The following UNC13C variants were observed in gnomAD, a reference collection of about 807,000 sequenced individuals.
UNC13C encodes unc-13 homolog C, also known as protein unc-13 homolog C.
Under a neutral mutation model 245.4 loss-of-function variants are expected in UNC13C, and 174 were observed. The observed-to-expected ratio is 0.71, with a 90% CI of 0.63 to 0.80. The LOEUF (loss-of-function observed/expected upper bound fraction) is 0.80, where lower values mean the gene tolerates loss of function less well. Ranked by LOEUF, UNC13C falls within the 30% of genes least tolerant of loss-of-function variation. UNC13C has a pLI of 0.00. For missense variants in UNC13C, 2,829 were observed against 2,602.9 expected (o/e 1.09, Z -1.89); for synonymous variants, 992 against 895.1 (o/e 1.11, Z -1.93).
intron 2 of UNC13C, among the ~76,000 whole-genome samples, chr15:54,066,804 G>C (rs1167891748): frequency 5.9e-5 from 9 of 152,176 alleles, no homozygotes; most frequent in African/African-American, 2.2e-4. Context: ...TGATGTTAGT[G>C]CTAAGATGTC....
the UNC13C span, among the ~76,000 whole-genome samples, chr15:53,964,848 G>A: frequency 6.6e-6 from 1 of 152,166 alleles, no homozygotes; most frequent in East Asian, 1.9e-4. Flanking sequence ...ACAGCAGCTA[G>A]TGTCGCTGGA....
At chr15:54,188,923 C>T (rs1026334637) in intron 4 of UNC13C, among the ~76,000 whole-genome samples, 9 of 152,158 alleles carry the variant, frequency 5.9e-5, no homozygotes, top group Non-Finnish European at 1.3e-4. Context: ...TCCATTGTTA[C>T]CGTTTCCAAA....
At chr15:54,273,041 G>T (rs558065022) in intron 10 of UNC13C, among the ~76,000 whole-genome samples, 35 of 152,270 alleles carry the variant, frequency 2.3e-4, no homozygotes, top group Non-Finnish European at 4.4e-4. Flanking sequence ...AGATCTTTAG[G>T]GAGCAGTTGG....
intron 29 of UNC13C, among the ~76,000 whole-genome samples, chr15:54,563,518 C>G (rs1897378576): frequency 6.6e-6 from 1 of 151,972 alleles, no homozygotes; most frequent in South Asian, 2.1e-4. Flanking sequence ...AAGTTTCTTA[C>G]ATTATACTGC....
the UNC13C span, among the ~76,000 whole-genome samples, chr15:53,907,904 C>T: frequency 1.4e-5 from 2 of 146,262 alleles, 1 homozygote; most frequent in Non-Finnish European, 3.1e-5. Flanking sequence ...GAGATTACAT[C>T]ACCCTTGATA....
intron 8 of UNC13C, among the ~76,000 whole-genome samples, chr15:54,254,988 C>G (rs903966020): frequency 1.3e-5 from 2 of 152,114 alleles, no homozygotes; most frequent in African/African-American, 4.8e-5. Context: ...GGAAAAGTTC[C>G]CATGTCCTCC....
intron 10 of UNC13C, among the ~76,000 whole-genome samples, chr15:54,276,099 A>G (rs1235004835): frequency 6.6e-6 from 1 of 152,116 alleles, no homozygotes; most frequent in African/African-American, 2.4e-5. Context: ...AGTGTAAGAA[A>G]TCAGATCAGT....
intron 30 of UNC13C, among the ~76,000 whole-genome samples, chr15:54,609,666 G>T (rs2141286507): frequency 6.6e-6 from 1 of 152,236 alleles, no homozygotes; most frequent in South Asian, 2.1e-4. Flanking sequence ...TATTCTCCCA[G>T]ACCTTCAATC....
At chr15:54,422,010 A>G (rs1367558775) in intron 19 of UNC13C, among the ~76,000 whole-genome samples, 1 of 152,060 alleles carries the variant, frequency 6.6e-6, no homozygotes, top group African/African-American at 2.4e-5. Context: ...ATATGGATGA[A>G]AAGCATGTCC....
chr15:54,049,264 A>G, intron 2 of UNC13C: 2 of 528,472 alleles, frequency 3.8e-6, no homozygotes, highest in Non-Finnish European at 7.4e-6. Flanking sequence ...TGCATTCAGA[A>G]TATGTGTTCT....
chr15:54,258,772 A>G (rs187713855), intron 8 of UNC13C, among the ~76,000 whole-genome samples: 86 of 152,330 alleles, frequency 5.6e-4, no homozygotes, highest in Non-Finnish European at 9.7e-4. Context: ...ATCTCATTGA[A>G]TCCTCATACT....
At chr15:54,595,252 G>A in intron 30 of UNC13C, among the ~76,000 whole-genome samples, 1 of 151,956 alleles carries the variant, frequency 6.6e-6, no homozygotes, top group Non-Finnish European at 1.5e-5. Context: ...ATGCTCTCGG[G>A]GCCTAAGGAC....
chr15:54,051,144 C>G (rs1214255994), intron 2 of UNC13C, among the ~76,000 whole-genome samples: 1 of 152,108 alleles, frequency 6.6e-6, no homozygotes, highest in Non-Finnish European at 1.5e-5. Flanking sequence ...ATTTATCAAT[C>G]TTTTATTGCA....
At chr15:54,549,595 CT>C in intron 27 of UNC13C, 39 bp from the exon 28 acceptor site, 2 of 1,468,014 alleles carry the variant, frequency 1.4e-6, no homozygotes, top group Non-Finnish European at 1.9e-6. Flanking sequence ...TACTGAATAT[CT>C]TAAGACTGAG....
the UNC13C span, among the ~76,000 whole-genome samples, chr15:53,881,146 G>C: frequency 6.6e-6 from 1 of 152,118 alleles, no homozygotes; most frequent in East Asian, 1.9e-4. Flanking sequence ...TTGTGTGTGT[G>C]TGTGTACATG....
At chr15:54,040,077 C>T (rs1454011074) in intron 2 of UNC13C, among the ~76,000 whole-genome samples, 1 of 152,016 alleles carries the variant, frequency 6.6e-6, no homozygotes, top group Non-Finnish European at 1.5e-5. Context: ...TCTCCAAGCT[C>T]CTTTCTTGTT....
intron 32 of UNC13C, among the ~76,000 whole-genome samples, chr15:54,624,409 A>C (rs1901008311): frequency 6.6e-6 from 1 of 152,050 alleles, no homozygotes; most frequent in African/African-American, 2.4e-5. Context: ...TGAAATAAAT[A>C]GCTAGTACAA....
chr15:54,307,430 C>G (rs989845817), intron 13 of UNC13C, among the ~76,000 whole-genome samples: 2 of 151,948 alleles, frequency 1.3e-5, no homozygotes, highest in Admixed American at 1.3e-4. Context: ...CCACTTAATA[C>G]TACAACCTTG....
At chr15:53,968,827 T>C in the UNC13C span, among the ~76,000 whole-genome samples, 1 of 152,182 alleles carries the variant, frequency 6.6e-6, no homozygotes, top group South Asian at 2.1e-4. Context: ...TGCAAAGATT[T>C]ACACAACATT....
Sources: gnomAD v4.1 joint callset for allele counts (sites outside exome capture counted in the v4.1 genomes callset) on GRCh38, gnomAD v4.1.1 for gene constraint, MANE v1.5 for transcripts, NCBI Gene and HGNC (gene_info 2026-07-23, HGNC 2026-07-21) for gene names.